Variants in HAGH observed in about 807,000 individuals in gnomAD.
HAGH encodes the protein hydroxyacylglutathione hydrolase, also known as hydroxyacylglutathione hydrolase, mitochondrial.
In HAGH, 29 loss-of-function variants were observed where a neutral mutation model predicts 35.1. The ratio of observed to expected loss-of-function variants is 0.83; its 90% CI spans 0.62 to 1.13. HAGH has a LOEUF of 1.13. Ranked by LOEUF, HAGH falls within the 50% of genes most tolerant of loss-of-function variation. HAGH has a pLI of 0.00. For synonymous variants in HAGH, 225 were observed against 176.1 expected (o/e 1.28, Z -2.20); for missense variants, 478 against 419.6 (o/e 1.14, Z -1.22).
At chr16:1,810,253 G>C in intron 7 of HAGH, 1 of 176,676 alleles carries the variant, frequency 5.7e-6, no homozygotes, top group Non-Finnish European at 1.2e-5. Flanking sequence ...GCGGGTGTGC[G>C]CGTGTGGAAG....
intron 5 of HAGH, among the ~76,000 whole-genome samples, chr16:1,817,815 G>C (rs550920965): frequency 4.6e-5 from 7 of 152,326 alleles, no homozygotes; most frequent in Admixed American, 2.6e-4. Flanking sequence ...CTCTGTCCCC[G>C]CTTGCCCTCC....
intron 8 of HAGH, 175 bp downstream of exon 8, chr16:1,809,579 T>C: frequency 1.5e-6 from 1 of 674,518 alleles, no homozygotes; most frequent in Non-Finnish European, 2.6e-6. Flanking sequence ...CCGGCCAAGG[T>C]GCCAGGAAAG....
At chr16:1,819,339 G>A (rs1898045092) in intron 4 of HAGH, 116 bp from the exon 5 acceptor site, 3 of 643,236 alleles carry the variant, frequency 4.7e-6, no homozygotes, top group South Asian at 1.9e-5. Flanking sequence ...GGAAATGCCC[G>A]TGAAGGTGGG....
intron 7 of HAGH, chr16:1,810,531 AGATG>A (rs1190383575): frequency 2.0e-5 from 3 of 152,160 alleles, no homozygotes; most frequent in African/African-American, 4.8e-5. Flanking sequence ...CTCGAGATGG[AGATG>A]GTCTCCCTTC....
rs755778712 is a variant in HAGH, at chr16:1,822,844, G to A, written c.249+21C>T. The A allele has an allele frequency of 5.6e-6, 9 of 1,605,586 alleles. No homozygotes were observed. In the Admixed American group the frequency reaches 1.2e-4, roughly 21 times the overall value. On this transcript the variant is annotated intron_variant, in intron 2 of 8. Transcript: ENST00000397356. ...GAGCTGGGTGACCAGGGCAGGGAGA[G>A]CCAGGCACAGCCATGCGCACCTTCT...
At chr16:1,811,340 G>T (rs954048344) in intron 7 of HAGH, among the ~76,000 whole-genome samples, 1 of 152,210 alleles carries the variant, frequency 6.6e-6, no homozygotes, top group Non-Finnish European at 1.5e-5. Context: ...CTTGAACCCA[G>T]GAGGTGGAGG....
intron 3 of HAGH, chr16:1,821,452 T>C (rs948740871): frequency 2.0e-5 from 3 of 152,246 alleles, no homozygotes; most frequent in Admixed American, 6.5e-5. Context: ...AAGGTGCCGG[T>C]TGCCCTCGGG....
chr16:1,817,759 C>T lies in HAGH; in HGVS notation c.542-488G>A, dbSNP rs532049725. Among the ~76,000 whole-genome samples the T allele has an allele frequency of 4.3e-4, 65 of 152,360 alleles. 1 individual carries two copies. In the South Asian group the frequency reaches 0.013, roughly 32 times the overall value. On this transcript the variant is annotated intron_variant, in intron 5 of 8. Coordinates refer to ENST00000397356, the MANE Select transcript of HAGH (RefSeq NM_005326.6). ...ACCTCAGGCGCACCCAGGCTCCTTC[C>T]GGCCTCGGCCTCAGGACGGCATCCC...
At chr16:1,823,096 C>T (rs1898229776) in intron 1 of HAGH, 59 bp from the exon 2 acceptor site, 33 of 1,463,756 alleles carry the variant, frequency 2.3e-5, no homozygotes, top group East Asian at 4.6e-5. Context: ...CGACAGGACG[C>T]GCAAGCTGCA....
At position 1,807,812 on chromosome 16, in the gene HAGH, C is replaced by T. The variant is rs1172855084; in HGVS notation, c.*1471G>A. On this transcript the variant is annotated 3_prime_UTR_variant, in exon 9 of 9. Coordinates refer to ENST00000397356, the MANE Select transcript of HAGH (RefSeq NM_005326.6). Reference sequence around the variant, plus strand: ...AGGGGTCTGCGAGTATGCGAACAGACCAGTGACCCCTCCGGGGGGAGGGCA... The same window carrying T: ...AGGGGTCTGCGAGTATGCGAACAGATCAGTGACCCCTCCGGGGGGAGGGCA... 2 of 149,174 alleles carry T rather than the reference C, an allele frequency of 1.3e-5. No homozygotes were observed. Among genetic ancestry groups the T allele is most frequent in the East Asian group, 4.0e-4 (2 of 5,034 alleles). 9.2% of individuals were successfully genotyped at this position (149,174 alleles called of 1,614,324 possible).
Position 1,819,939 on chromosome 16 carries a change from G to A in HAGH, c.390C>T (p.Ile130=), listed in dbSNP as rs146440574. The A allele has an allele frequency of 5.3e-4, 851 of 1,612,926 alleles. 2 individuals are homozygous for A. The highest frequency in any genetic ancestry group is 4.6e-3 in the Middle Eastern group (28 of 6,060). ...GLKVYGGDDR[I]GALTHKITHL... ...GAGTGATCTTGTGAGTCAGGGCCCC[G>A]ATACGGTCGTCACCCCCGTACACCT... Residue 130 remains isoleucine (I), a synonymous_variant, in exon 4 of 9, where the codon ATC becomes ATT. Coordinates refer to ENST00000397356, the MANE Select transcript of HAGH (RefSeq NM_005326.6).
rs911235113 is a variant in HAGH at position 1,807,725 on chromosome 16, G to C, written c.*1558C>G. ...CGCTGGGGCGGGGGTAGTGGGAGAA[G>C]AAAGCCGGAGAAGCAGTCTGCCCTG... On this transcript the variant is annotated 3_prime_UTR_variant, in exon 9 of 9. Transcript: ENST00000397356. The C allele has an allele frequency of 1.3e-5, 2 of 152,272 alleles. No homozygotes were observed. The highest frequency in any genetic ancestry group is 2.4e-5 in the African/African-American group (1 of 41,454). The allele number at this position is 152,272 out of a possible 1,614,324, so 9.4% of individuals were successfully genotyped here.
intron 5 of HAGH, 145 bp from the exon 6 acceptor site, chr16:1,817,416 G>GC (rs892054343): frequency 4.6e-5 from 30 of 653,784 alleles, no homozygotes; most frequent in East Asian, 2.4e-4. Context: ...CCCAGACTCA[G>GC]CCCCCCTGCA....
chr16:1,819,554 G>A (rs942471927), intron 4 of HAGH, among the ~76,000 whole-genome samples: 3 of 152,138 alleles, frequency 2.0e-5, no homozygotes, highest in African/African-American at 4.8e-5. Flanking sequence ...GTCCCCATCT[G>A]CCCCAATTCT....
rs1458429471 is a variant in HAGH, at chr16:1,823,993, G to A, written c.77-956C>T. 2.6e-5 allele frequency among the ~76,000 whole-genome samples: 4 copies of A among 152,216 alleles called. No homozygotes were observed. The East Asian group carries it at 7.7e-4, about 29-fold the overall frequency. ...TGTGAAGAAGGGAACACAGACTAGGGGTGCCCCCGCCTGGCCATCTGCCCT... is the reference window on the plus strand; with the variant it reads ...TGTGAAGAAGGGAACACAGACTAGGAGTGCCCCCGCCTGGCCATCTGCCCT... On this transcript the variant is annotated intron_variant, in intron 1 of 8. Coordinates refer to ENST00000397356, the MANE Select transcript of HAGH (RefSeq NM_005326.6).
At chr16:1,812,723 G>T (rs4786635) in intron 7 of HAGH, among the ~76,000 whole-genome samples, 1 of 151,986 alleles carries the variant, frequency 6.6e-6, no homozygotes, top group African/African-American at 2.4e-5. Context: ...AAGCATAAAA[G>T]AATCTATTGG....
intron 7 of HAGH, 105 bp from the exon 8 acceptor site, chr16:1,809,938 T>C (rs1047870666): frequency 5.1e-6 from 4 of 791,740 alleles, no homozygotes; most frequent in Non-Finnish European, 6.5e-6. Flanking sequence ...CTAAGGCAGA[T>C]GGATCACTTG....
At position 1,822,673 on chromosome 16, in the gene HAGH, C is replaced by A. The variant is rs188679069; in HGVS notation, c.249+192G>T. The stretch of plus-strand genomic sequence containing the variant: ...GAAGACTCAAGTGCCCAGGATTGTA[C>A]TGCACAGCGCTTTCTGTGTCACTGC... On this transcript the variant is annotated intron_variant, in intron 2 of 8. Transcript: ENST00000397356. 1.4e-3 allele frequency among the ~76,000 whole-genome samples: 219 copies of A among 152,368 alleles called. 1 individual carries two copies. Among genetic ancestry groups the A allele is most frequent in the African/African-American group, 5.1e-3 (211 of 41,582 alleles).
intron 3 of HAGH, among the ~76,000 whole-genome samples, chr16:1,820,769 A>G: frequency 6.6e-6 from 1 of 152,156 alleles, no homozygotes; most frequent in East Asian, 1.9e-4. Flanking sequence ...CTGGGCCCCA[A>G]GATAACAGGG....
Sources: gnomAD v4.1 joint callset for allele counts (sites outside exome capture counted in the v4.1 genomes callset) on GRCh38, gnomAD v4.1.1 for gene constraint, MANE v1.5 for transcripts, NCBI Gene and HGNC (gene_info 2026-07-23, HGNC 2026-07-21) for gene names.